The following PRR16 variants were observed in gnomAD, a reference collection of about 807,000 sequenced individuals.
PRR16 encodes protein Largen.
PRR16 carries 6 observed loss-of-function variants against 18.2 expected under a neutral mutation model. The observed-to-expected ratio is 0.33, with a 90% CI of 0.18 to 0.65. The LOEUF (loss-of-function observed/expected upper bound fraction) is 0.65. Ranked by LOEUF, PRR16 falls within the 30% of genes least tolerant of loss-of-function variation. PRR16 has a pLI of 0.74. For missense variants in PRR16, 412 were observed against 376.6 expected (o/e 1.09, Z -0.78); for synonymous variants, 151 against 147.8 (o/e 1.02, Z -0.16).
At chr5:120,580,647 A>G (rs113713177) in intron 1 of PRR16, among the ~76,000 whole-genome samples, 8,453 of 151,542 alleles carry the variant, frequency 0.056, 309 homozygotes, top group South Asian at 0.082. Context: ...AGTAGAGATG[A>G]GGTTTCACTG....
chr5:120,595,944 A>T (rs1753800485), intron 1 of PRR16, among the ~76,000 whole-genome samples: 1 of 151,940 alleles, frequency 6.6e-6, no homozygotes, highest in Admixed American at 6.6e-5. Flanking sequence ...AATATTTTGT[A>T]AGCACATTTT....
chr5:120,476,175 GT>G, intron 1 of PRR16, among the ~76,000 whole-genome samples: 1 of 152,068 alleles, frequency 6.6e-6, no homozygotes. Flanking sequence ...CTTTGGGCCA[GT>G]CCCCTGCTTA....
At chr5:120,679,810 A>G (rs1424915353) in intron 1 of PRR16, among the ~76,000 whole-genome samples, 1 of 152,102 alleles carries the variant, frequency 6.6e-6, no homozygotes, top group African/African-American at 2.4e-5. Flanking sequence ...CAACAACAAA[A>G]ACAACAAAAT....
intron 1 of PRR16, among the ~76,000 whole-genome samples, chr5:120,651,389 A>G (rs912640990): frequency 1.3e-5 from 2 of 152,202 alleles, no homozygotes; most frequent in South Asian, 2.1e-4. Flanking sequence ...TGTTTTAGAC[A>G]TGAAGTCCTT....
chr5:120,516,599 C>T (rs1433578583), intron 1 of PRR16, among the ~76,000 whole-genome samples: 1 of 151,848 alleles, frequency 6.6e-6, no homozygotes, highest in East Asian at 1.9e-4. Flanking sequence ...AATATGAATG[C>T]TGCAGAGAAA....
chr5:120,769,727 A>C, the PRR16 span, among the ~76,000 whole-genome samples: 7 of 151,868 alleles, frequency 4.6e-5, no homozygotes, highest in Non-Finnish European at 1.0e-4. Context: ...ATATGCCCAG[A>C]AGCGGAATTG....
At chr5:120,756,558 AT>A in the PRR16 span, among the ~76,000 whole-genome samples, 6,755 of 151,300 alleles carry the variant, frequency 0.045, 521 homozygotes, top group African/African-American at 0.15. Context: ...AATGTGGAGC[AT>A]TTTTTTTCAT....
At chr5:120,776,072 G>C in the PRR16 span, among the ~76,000 whole-genome samples, 5 of 152,042 alleles carry the variant, frequency 3.3e-5, no homozygotes, top group African/African-American at 1.2e-4. Flanking sequence ...GCAGGTCTAA[G>C]CTCCCTCTGG....
chr5:120,719,822 A>G, the PRR16 span, among the ~76,000 whole-genome samples: 1 of 152,048 alleles, frequency 6.6e-6, no homozygotes, highest in African/African-American at 2.4e-5. Flanking sequence ...AAATTATTTT[A>G]TCTTGATCTT....
chr5:120,517,354 A>C (rs1751031294), intron 1 of PRR16, among the ~76,000 whole-genome samples: 1 of 152,122 alleles, frequency 6.6e-6, no homozygotes, highest in Non-Finnish European at 1.5e-5. Flanking sequence ...CCACAGAGTG[A>C]TTCTTTATTT....
At chr5:120,465,386 A>G (rs908917860) in intron 1 of PRR16, among the ~76,000 whole-genome samples, 1 of 151,890 alleles carries the variant, frequency 6.6e-6, no homozygotes, top group Non-Finnish European at 1.5e-5. Context: ...CGCGCAGGAG[A>G]GTGTATGTGT....
At chr5:120,560,764 A>ACTTTT (rs113152904) in intron 1 of PRR16, among the ~76,000 whole-genome samples, 32,646 of 151,554 alleles carry the variant, frequency 0.22, 3,629 homozygotes, top group African/African-American at 0.22. Context: ...TGGGTCCCAC[A>ACTTTT]CTTTACTGGG....
chr5:120,692,157 T>A (rs892344576), downstream of PRR16, among the ~76,000 whole-genome samples: 2 of 152,214 alleles, frequency 1.3e-5, no homozygotes, highest in African/African-American at 4.8e-5. Flanking sequence ...GAGCTGAACA[T>A]CATCGTTTTC....
At chr5:120,787,840 C>A in the PRR16 span, among the ~76,000 whole-genome samples, 1 of 152,046 alleles carries the variant, frequency 6.6e-6, no homozygotes, top group Non-Finnish European at 1.5e-5. Flanking sequence ...CAACATTTTC[C>A]AGTACCATTA....
At chr5:120,660,985 C>T (rs1353841918) in intron 1 of PRR16, among the ~76,000 whole-genome samples, 1 of 152,002 alleles carries the variant, frequency 6.6e-6, no homozygotes. Context: ...TTTCTTAGAT[C>T]TTTGAGAGTT....
chr5:120,701,295 A>G, the PRR16 span, among the ~76,000 whole-genome samples: 1 of 152,122 alleles, frequency 6.6e-6, no homozygotes, highest in Non-Finnish European at 1.5e-5. Context: ...TGGGTAACAA[A>G]ACGTATTTTG....
chr5:120,685,743 A>G (rs182026272), intron 1 of PRR16, among the ~76,000 whole-genome samples: 1 of 152,160 alleles, frequency 6.6e-6, no homozygotes, highest in Non-Finnish European at 1.5e-5. Context: ...TGTTCTAAGC[A>G]TGTTAAATTA....
intron 1 of PRR16, among the ~76,000 whole-genome samples, chr5:120,583,051 G>A (rs753691695): frequency 1.3e-5 from 2 of 152,218 alleles, no homozygotes; most frequent in South Asian, 2.1e-4. Context: ...GAAGGCCCAT[G>A]TGGGGCATCT....
chr5:120,486,982 C>A (rs1464303462), intron 1 of PRR16, among the ~76,000 whole-genome samples: 1 of 152,070 alleles, frequency 6.6e-6, no homozygotes, highest in Admixed American at 6.5e-5. Context: ...TTTCTGAGGG[C>A]TCTGTTCTGT....
Sources: gnomAD v4.1 joint callset for allele counts (sites outside exome capture counted in the v4.1 genomes callset) on GRCh38, gnomAD v4.1.1 for gene constraint, MANE v1.5 for transcripts, NCBI Gene and HGNC (gene_info 2026-07-23, HGNC 2026-07-21) for gene names.